Variants in UBE2V1 observed in about 807,000 individuals in gnomAD.
UBE2V1 encodes the protein ubiquitin conjugating enzyme E2 V1.
A neutral mutation model predicts 19.6 loss-of-function variants in UBE2V1; 15 were observed. That is an observed-to-expected ratio of 0.77 (90% CI 0.51 to 1.18). UBE2V1 has a LOEUF of 1.18. Among genes scored for constraint, UBE2V1 ranks in the 50% most tolerant of loss-of-function variants. The pLI, the probability that UBE2V1 is intolerant of heterozygous loss-of-function variation, is 0.00. For missense variants in UBE2V1, 125 were observed against 184.8 expected (o/e 0.68, Z 1.88); for synonymous variants, 60 against 60.7 (o/e 0.99, Z 0.05).
intron 1 of UBE2V1, among the ~76,000 whole-genome samples, chr20:50,103,272 C>T (rs2080126701): frequency 6.6e-6 from 1 of 152,116 alleles, no homozygotes; most frequent in Non-Finnish European, 1.5e-5. Flanking sequence ...TCAGAATGAA[C>T]AACGCTCAAT....
chr20:50,115,148 T>C, upstream of UBE2V1: 1 of 215,542 alleles, frequency 4.6e-6, no homozygotes, highest in Non-Finnish European at 9.0e-6. Context: ...TGAGACTTTC[T>C]GTACCTCTGC....
In UBE2V1 at chr20:50,106,881, A is replaced by C. The variant is rs1200478816; in HGVS notation, c.22+6226T>G. ...CAACAACAACAACAACAACAAAAAA[A>C]AAAAAACAAAAAAAAGGTAGAACCT... On this transcript the variant is annotated intron_variant, in intron 1 of 3. Transcript: ENST00000371674. 3.9e-3 allele frequency among the ~76,000 whole-genome samples: 589 copies of C among 151,626 alleles called. 3 individuals are homozygous for C. The highest frequency in any genetic ancestry group is 0.013 in the African/African-American group (550 of 41,104).
At position 50,081,264 on chromosome 20, in the gene UBE2V1, GAAA is replaced by G. The variant is rs2146928197; in HGVS notation, c.*1501_*1503del. On this transcript the variant is annotated 3_prime_UTR_variant, in exon 4 of 4. Coordinates refer to ENST00000371674, the MANE Select transcript of UBE2V1 (RefSeq NM_001032288.3). ...CCTTAGAACTAAGGTTTTCCCCCCAGAAAAAGATTAATGGAAACATCAATTGCT... is the reference window on the plus strand; with the variant it reads ...CCTTAGAACTAAGGTTTTCCCCCCAGAAGATTAATGGAAACATCAATTGCT... 1 of 147,822 alleles carries G rather than the reference GAAA, an allele frequency of 6.8e-6. No homozygotes were observed. The highest frequency in any genetic ancestry group is 1.5e-5 in the Non-Finnish European group (1 of 67,102). The allele number at this position is 147,822 out of a possible 1,614,324, so 9.2% of individuals were successfully genotyped here. A position where few individuals can be genotyped will look rare whatever the true frequency, so the allele number is the denominator to read the frequency against.
At chr20:50,094,124 T>C (rs969830916) in intron 2 of UBE2V1, among the ~76,000 whole-genome samples, 5 of 71,546 alleles carry the variant, frequency 7.0e-5, no homozygotes, top group Non-Finnish European at 1.4e-4. Context: ...AAATATATTA[T>C]ATATTATAAT....
intron 1 of UBE2V1, among the ~76,000 whole-genome samples, chr20:50,102,018 T>A (rs1004774286): frequency 1.3e-5 from 2 of 152,026 alleles, no homozygotes; most frequent in Non-Finnish European, 2.9e-5. Context: ...AGGCTCAGAG[T>A]AGGGCAAGAG....
chr20:50,107,592 T>A (rs769566047), intron 1 of UBE2V1, among the ~76,000 whole-genome samples: 24 of 152,332 alleles, frequency 1.6e-4, no homozygotes, highest in Middle Eastern at 3.4e-3. Context: ...GGATAAGAGT[T>A]TCAGTTTTTT....
chr20:50,106,875 A>AACAACAAC (rs1555880261), intron 1 of UBE2V1, among the ~76,000 whole-genome samples: 5 of 74,758 alleles, frequency 6.7e-5, no homozygotes, highest in African/African-American at 1.0e-4. Context: ...CAACAACAAC[A>AACAACAAC]AAAAAAAAAA....
intron 1 of UBE2V1, among the ~76,000 whole-genome samples, chr20:50,108,067 T>C (rs1365087800): frequency 6.6e-6 from 1 of 152,090 alleles, no homozygotes; most frequent in East Asian, 1.9e-4. Flanking sequence ...GGAAAAGGGA[T>C]GGGTTATTCT....
chr20:50,113,096 C>A lies in UBE2V1; in HGVS notation c.22+11G>T. On this transcript the variant is annotated intron_variant, in intron 1 of 3. Coordinates refer to ENST00000371674, the MANE Select transcript of UBE2V1 (RefSeq NM_001032288.3). Reference sequence around the variant, plus strand: ...CCCCCTCGGCCGGCCGGGCCCGGCGCCCCCGCTCACCCGAGCCCGTGGTGG... The same window carrying A: ...CCCCCTCGGCCGGCCGGGCCCGGCGACCCCGCTCACCCGAGCCCGTGGTGG... 4 of 1,288,910 alleles carry A rather than the reference C, an allele frequency of 3.1e-6. No individual in the cohort carries two copies. Among genetic ancestry groups the A allele is most frequent in the Non-Finnish European group, 2.0e-6 (2 of 988,414 alleles). The allele number at this position is 1,288,910 out of a possible 1,614,324, so 79.8% of individuals were successfully genotyped here. A position where few individuals can be genotyped will look rare whatever the true frequency, so the allele number is the denominator to read the frequency against.
intron 1 of UBE2V1, among the ~76,000 whole-genome samples, chr20:50,102,709 T>C (rs1265615060): frequency 6.6e-6 from 1 of 152,218 alleles, no homozygotes; most frequent in South Asian, 2.1e-4. Context: ...CTCTTAAAGG[T>C]AAACTAGGTG....
intron 1 of UBE2V1, among the ~76,000 whole-genome samples, chr20:50,110,166 CTGAG>C (rs2080661277): frequency 6.6e-6 from 1 of 152,234 alleles, no homozygotes; most frequent in South Asian, 2.1e-4. Context: ...TCGTGGGCTG[CTGAG>C]TGAGAGGAAG....
intron 2 of UBE2V1, among the ~76,000 whole-genome samples, chr20:50,085,783 C>T (rs1231782832): frequency 6.6e-6 from 1 of 152,140 alleles, no homozygotes; most frequent in Non-Finnish European, 1.5e-5. Flanking sequence ...TTCTACCTAC[C>T]CTCAACCTGC....
rs187742477 is a variant in UBE2V1, at chr20:50,098,124, A to C, written c.23-1304T>G. Among the ~76,000 whole-genome samples the C allele has an allele frequency of 5.9e-5, 9 of 152,288 alleles. No homozygotes were observed. The East Asian group carries it at 1.7e-3, about 29-fold the overall frequency. On this transcript the variant is annotated intron_variant, in intron 1 of 3. Transcript: ENST00000371674. Reference sequence around the variant, plus strand: ...ATACTTTTAAATGGAGGGATAAAGGAAAAGTGTTATTGCAATCAGGTGTCA... The same window carrying C: ...ATACTTTTAAATGGAGGGATAAAGGCAAAGTGTTATTGCAATCAGGTGTCA...
intron 1 of UBE2V1, among the ~76,000 whole-genome samples, chr20:50,103,141 TCATC>T (rs1284179442): frequency 6.6e-6 from 1 of 152,224 alleles, no homozygotes; most frequent in East Asian, 1.9e-4. Context: ...GAGTAAAACT[TCATC>T]TGTTTTGTTC....
At chr20:50,104,945 T>C (rs1240454018) in intron 1 of UBE2V1, among the ~76,000 whole-genome samples, 1 of 152,132 alleles carries the variant, frequency 6.6e-6, no homozygotes, top group African/African-American at 2.4e-5. Flanking sequence ...CAGGCTGGTC[T>C]CAGACTCCTG....
chr20:50,106,691 G>A (rs962361083), intron 1 of UBE2V1, among the ~76,000 whole-genome samples: 4 of 92,818 alleles, frequency 4.3e-5, no homozygotes, highest in African/African-American at 1.5e-4. Context: ...TTAGCTGGGC[G>A]TGGTGGCGCA....
At chr20:50,106,269 A>G (rs556995274) in intron 1 of UBE2V1, among the ~76,000 whole-genome samples, 1 of 152,248 alleles carries the variant, frequency 6.6e-6, no homozygotes, top group Non-Finnish European at 1.5e-5. Context: ...TTAGCTAAAT[A>G]TAAACTGAAA....
chr20:50,105,892 T>C (rs1323756354), intron 1 of UBE2V1, among the ~76,000 whole-genome samples: 1 of 151,856 alleles, frequency 6.6e-6, no homozygotes, highest in Non-Finnish European at 1.5e-5. Flanking sequence ...ATCATGCCAC[T>C]GCAGCCCAGC....
At chr20:50,094,010 A>AAAAAAAAT (rs2079416552) in intron 2 of UBE2V1, among the ~76,000 whole-genome samples, 6 of 94,710 alleles carry the variant, frequency 6.3e-5, no homozygotes, top group African/African-American at 1.6e-4. Context: ...AAAAAAAAAA[A>AAAAAAAAT]AATAATAATA....
Sources: allele counts gnomAD v4.1 joint callset (sites outside exome capture counted in the v4.1 genomes callset), GRCh38; gene constraint gnomAD v4.1.1; transcripts MANE v1.5; gene names NCBI Gene and HGNC (gene_info 2026-07-23, HGNC 2026-07-21).